The following PLXNC1 variants were observed in gnomAD, a reference collection of about 807,000 sequenced individuals.
PLXNC1 encodes plexin-C1.
A neutral mutation model predicts 178.2 loss-of-function variants in PLXNC1; 75 were observed. The observed-to-expected ratio is 0.42, with a 90% confidence interval of 0.35 to 0.51. The LOEUF (loss-of-function observed/expected upper bound fraction) is 0.51, where lower values mean the gene tolerates loss of function less well. Among genes scored for constraint, PLXNC1 ranks in the 20% least tolerant of loss-of-function variants. The pLI, the probability that PLXNC1 is intolerant of heterozygous loss-of-function variation, is 0.02. For synonymous variants in PLXNC1, 790 were observed against 779.9 expected, an observed-to-expected ratio of 1.01 and a Z score of -0.22; for missense variants, 1,503 against 1,984.4, an observed-to-expected ratio of 0.76 and a Z score of 4.61.
At chr12:94,191,921 G>A (rs995651888) in intron 4 of PLXNC1, among the ~76,000 whole-genome samples, 1 of 152,118 alleles carries the variant, frequency 6.6e-6, no homozygotes, top group African/African-American at 2.4e-5. Flanking sequence ...ATTTTTGCAG[G>A]CTGAATATCT....
At chr12:94,173,347 C>T (rs767722637) in intron 2 of PLXNC1, among the ~76,000 whole-genome samples, 16 of 152,232 alleles carry the variant, frequency 1.1e-4, no homozygotes, top group Non-Finnish European at 2.2e-4. Flanking sequence ...TTGAGCTTTT[C>T]CAGGTGGTAA....
chr12:94,203,937 A>C (rs946042675), intron 4 of PLXNC1, among the ~76,000 whole-genome samples: 17 of 152,240 alleles, frequency 1.1e-4, no homozygotes, highest in African/African-American at 4.1e-4. Context: ...GAAGGGCTTC[A>C]GGCTGCAAAT....
intron 24 of PLXNC1, 114 bp from the exon 25 acceptor site, chr12:94,297,075 A>AG: frequency 1.0e-6 from 1 of 971,558 alleles, no homozygotes; most frequent in Non-Finnish European, 1.6e-6. Context: ...CAAGTCAAAA[A>AG]GCTCAAGTAA....
intron 2 of PLXNC1, among the ~76,000 whole-genome samples, chr12:94,171,582 T>C (rs3930106): frequency 0.41 from 62,025 of 151,960 alleles, 13,396 homozygotes; most frequent in South Asian, 0.62. Flanking sequence ...GAGACTGCAC[T>C]AAGATCCCCT....
At chr12:94,261,209 C>A (rs187682488) in intron 20 of PLXNC1, among the ~76,000 whole-genome samples, 2 of 152,214 alleles carry the variant, frequency 1.3e-5, no homozygotes, top group African/African-American at 4.8e-5. Context: ...TAGAAATACC[C>A]GTTGCCTACC....
In PLXNC1 at chr12:94,168,752, A is replaced by G. The variant is rs1961725851; in HGVS notation, c.1063-401A>G. On this transcript the variant is annotated intron_variant, in intron 1 of 30. Transcript: ENST00000258526. The stretch of plus-strand genomic sequence containing the variant: ...GGGAAATGTTTGTGTTTAACCTCAC[A>G]GAAGCCAACGCCTAGCTAAAATGAA... 2.0e-5 allele frequency among the ~76,000 whole-genome samples: 3 copies of G among 152,236 alleles called. No homozygotes were observed. The South Asian group carries it at 6.2e-4, about 32-fold the overall frequency.
At chr12:94,195,788 CT>C (rs369915773) in intron 4 of PLXNC1, among the ~76,000 whole-genome samples, 161 of 152,306 alleles carry the variant, frequency 1.1e-3, no homozygotes, top group African/African-American at 3.8e-3. Context: ...CAGCAGGGCC[CT>C]GTGGTCAGTC....
At position 94,298,745 on chromosome 12, in the gene PLXNC1, AAAC is replaced by A. The variant is rs1348229051; in HGVS notation, c.4191_4193del (p.Asn1397del). 18 of 1,613,328 alleles carry A rather than the reference AAAC, an allele frequency of 1.1e-5. No homozygotes were observed. Among genetic ancestry groups the A allele is most frequent in the Non-Finnish European group, 1.5e-5 (18 of 1,179,872 alleles). On this transcript the variant is annotated inframe_deletion, in exon 27 of 31. Transcript: ENST00000258526. ...TTGACTTTTTGGACGCCCAGGCTGA[AAAC>A]AAAAAAATCACAGATCCTGACGTCG... is the stretch of plus-strand genomic sequence containing the variant.
At position 94,260,475 on chromosome 12, in the gene PLXNC1, G is replaced by A. The variant is rs1392269240; in HGVS notation, c.3252-167G>A. On this transcript the variant is annotated intron_variant, in intron 19 of 30. Transcript: ENST00000258526. The surrounding 1 kb of genome is among the most constrained non-coding windows in gnomAD (Gnocchi z 4.4). ...TTTAAATGCTGAAAACACAGAAAAT[G>A]TTCTAGAGATAGAAGTGGTTAGAAT... Among the ~76,000 whole-genome samples the A allele has an allele frequency of 1.4e-5, 2 of 146,844 alleles. No homozygotes were observed. The highest frequency in any genetic ancestry group is 3.0e-5 in the Non-Finnish European group (2 of 66,942).
intron 1 of PLXNC1, among the ~76,000 whole-genome samples, chr12:94,157,767 C>T (rs147274314): frequency 3.9e-5 from 6 of 152,300 alleles, no homozygotes; most frequent in Non-Finnish European, 1.5e-5. Context: ...AGGGCCAGAT[C>T]ATCAATATTT....
Position 94,259,639 on chromosome 12 carries a change from T to C in PLXNC1, c.3156T>C (p.Ser1052=). Residue 1052 remains serine (S), a synonymous_variant, in exon 19 of 31, where the codon AGT becomes AGC. Transcript: ENST00000258526. Reference sequence around the variant, plus strand: ...GAGACGCCAACGACAAGAATGAAAGTCTCACAGCTTTGGATGCCCTAATCT... The same window carrying C: ...GAGACGCCAACGACAAGAATGAAAGCCTCACAGCTTTGGATGCCCTAATCT... ...HNRDANDKNE[S]LTALDALICN... is the part of the protein sequence containing the mutation. 2 of 1,610,650 alleles carry C rather than the reference T, an allele frequency of 1.2e-6. No homozygotes were observed. The highest frequency in any genetic ancestry group is 2.2e-5 in the East Asian group (1 of 44,780).
At chr12:94,163,922 C>T (rs1742029076) in intron 1 of PLXNC1, among the ~76,000 whole-genome samples, 1 of 152,184 alleles carries the variant, frequency 6.6e-6, no homozygotes, top group African/African-American at 2.4e-5. Flanking sequence ...CTTTCCATCT[C>T]CTTAGCTGAA....
At chr12:94,202,439 AGT>A (rs1328114605) in intron 4 of PLXNC1, among the ~76,000 whole-genome samples, 14 of 152,222 alleles carry the variant, frequency 9.2e-5, no homozygotes, top group Non-Finnish European at 1.2e-4. Flanking sequence ...GGGGATTTAC[AGT>A]GTAGCTGGAG....
chr12:94,235,934 G>A (rs1964229446), intron 9 of PLXNC1, among the ~76,000 whole-genome samples: 2 of 152,118 alleles, frequency 1.3e-5, no homozygotes, highest in African/African-American at 4.8e-5. Context: ...GACCCTGTAG[G>A]TGCTCAATAA....
chr12:94,188,576 A>T (rs1422408747), intron 4 of PLXNC1, among the ~76,000 whole-genome samples: 1 of 152,202 alleles, frequency 6.6e-6, no homozygotes, highest in Non-Finnish European at 1.5e-5. Context: ...CGCCTGCCTC[A>T]GCCTCCCAAA....
intron 9 of PLXNC1, among the ~76,000 whole-genome samples, chr12:94,227,800 A>G (rs1285141390): frequency 6.6e-6 from 1 of 152,218 alleles, no homozygotes; most frequent in Non-Finnish European, 1.5e-5. Flanking sequence ...TAAATTACAT[A>G]AGCCCCCACG....
At chr12:94,150,553 G>T (rs1169129121) in intron 1 of PLXNC1, among the ~76,000 whole-genome samples, 1 of 152,240 alleles carries the variant, frequency 6.6e-6, no homozygotes, top group Non-Finnish European at 1.5e-5. Context: ...CCCCCCACCG[G>T]CAACGCAAGT....
chr12:94,191,485 T>A (rs541731676), intron 4 of PLXNC1, among the ~76,000 whole-genome samples: 38 of 152,290 alleles, frequency 2.5e-4, no homozygotes, highest in Non-Finnish European at 5.0e-4. Flanking sequence ...TGATCAGATG[T>A]TAAGAATAGG....
At position 94,149,424 on chromosome 12, in the gene PLXNC1, C is replaced by G; in HGVS notation, c.453C>G (p.Thr151=). The change falls in exon 1 of 31, where the codon ACC becomes ACG. Residue 151 remains threonine (T), a synonymous_variant. Transcript: ENST00000258526. ...NLSRNSLRNG[T]EVVSCHPQGS... ...GCCGCAACTCCCTGCGCAACGGCACCGAGGTGGTGTCGTGCCACCCGCAGG... is the reference window on the plus strand; with the variant it reads ...GCCGCAACTCCCTGCGCAACGGCACGGAGGTGGTGTCGTGCCACCCGCAGG... 1 of 1,451,268 alleles carries G rather than the reference C, an allele frequency of 6.9e-7. No homozygotes were observed. The allele number at this position is 1,451,268 out of a possible 1,614,324, so 89.9% of individuals were successfully genotyped here.
Sources: gnomAD v4.1 joint callset for allele counts (sites outside exome capture counted in the v4.1 genomes callset) on GRCh38, gnomAD v4.1.1 for gene constraint, Gnocchi (gnomAD v3.1) non-coding constraint, MANE v1.5 for transcripts, NCBI Gene and HGNC (gene_info 2026-07-23, HGNC 2026-07-21) for gene names.